Variants in THSD4 observed in about 807,000 individuals in gnomAD.
THSD4 encodes the protein thrombospondin type-1 domain-containing protein 4.
THSD4 carries 69 observed loss-of-function variants against 119.0 expected under a neutral mutation model. That is an observed-to-expected ratio of 0.58 (90% CI 0.48 to 0.71). THSD4 has a LOEUF of 0.71. Ranked by LOEUF, THSD4 falls within the 30% of genes least tolerant of loss-of-function variation. THSD4 has a pLI of 0.00. For missense variants in THSD4, 1,393 were observed against 1,391.1 expected, an observed-to-expected ratio of 1.00 and a Z score of -0.02; for synonymous variants, 524 against 540.4, an observed-to-expected ratio of 0.97 and a Z score of 0.42.
Position 71,462,268 on chromosome 15 carries a change from C to G in THSD4, c.1152+50445C>G, listed in dbSNP as rs1410608646. Among the ~76,000 whole-genome samples, 6 of 152,246 alleles carry G rather than the reference C, an allele frequency of 3.9e-5. No individual in the cohort carries two copies. In the South Asian group the frequency reaches 6.2e-4, roughly 16 times the overall value. ...CCTTGAACTCCCAGGCTCAAGTGATCCTCACCTCAGCCTCTCAAGTAGCTG... is the reference window on the plus strand; with the variant it reads ...CCTTGAACTCCCAGGCTCAAGTGATGCTCACCTCAGCCTCTCAAGTAGCTG... On this transcript the variant is annotated intron_variant, in intron 7 of 17. Coordinates refer to ENST00000261862, the MANE Select transcript of THSD4 (RefSeq NM_024817.3).
intron 9 of THSD4, 169 bp downstream of exon 9, chr15:71,728,893 A>G (rs1285860788): frequency 3.6e-6 from 3 of 825,538 alleles, no homozygotes; most frequent in Non-Finnish European, 5.7e-6. Flanking sequence ...CTTTGCCTTT[A>G]CTTCTGAATG....
chr15:71,344,816 C>G (rs1299643379), intron 6 of THSD4, among the ~76,000 whole-genome samples: 1 of 152,152 alleles, frequency 6.6e-6, no homozygotes, highest in Non-Finnish European at 1.5e-5. Context: ...TGGCCTTTGC[C>G]TGCCAGCATC....
chr15:71,548,385 C>T (rs1489317074), intron 7 of THSD4, among the ~76,000 whole-genome samples: 1 of 152,204 alleles, frequency 6.6e-6, no homozygotes, highest in Non-Finnish European at 1.5e-5. Flanking sequence ...CACAGCTTTG[C>T]CTTTTGTTAG....
At chr15:71,655,458 A>T (rs1005461060) in intron 7 of THSD4, among the ~76,000 whole-genome samples, 16 of 152,262 alleles carry the variant, frequency 1.1e-4, no homozygotes, top group African/African-American at 3.9e-4. Flanking sequence ...GGGTGGTTGT[A>T]TGATGATGAG....
At chr15:71,588,052 A>G (rs1459584194) in intron 7 of THSD4, among the ~76,000 whole-genome samples, 3 of 152,002 alleles carry the variant, frequency 2.0e-5, no homozygotes, top group Admixed American at 2.0e-4. Flanking sequence ...CACGCCTGTA[A>G]TCCCAGCACT....
intron 8 of THSD4, among the ~76,000 whole-genome samples, chr15:71,697,694 G>C (rs936107054): frequency 8.5e-5 from 13 of 152,174 alleles, no homozygotes; most frequent in Non-Finnish European, 1.9e-4. Context: ...GGGCAACTTT[G>C]GTAACACTGA....
chr15:71,211,407 C>T (rs965558963), intron 3 of THSD4, among the ~76,000 whole-genome samples: 1 of 152,108 alleles, frequency 6.6e-6, no homozygotes, highest in Non-Finnish European at 1.5e-5. Context: ...AGAGAGCTGC[C>T]TTCTCCCTGT....
chr15:71,381,486 C>T (rs1174512916), intron 6 of THSD4, among the ~76,000 whole-genome samples: 1 of 152,186 alleles, frequency 6.6e-6, no homozygotes, highest in Admixed American at 6.5e-5. Context: ...TCAGTTTCTT[C>T]CTAAGCATTC....
intron 6 of THSD4, among the ~76,000 whole-genome samples, chr15:71,314,703 TG>T (rs1388622842): frequency 6.6e-6 from 1 of 152,212 alleles, no homozygotes; most frequent in Non-Finnish European, 1.5e-5. Context: ...ATCACAAAGT[TG>T]TGATCCAAGT....
intron 7 of THSD4, among the ~76,000 whole-genome samples, chr15:71,654,632 A>G (rs2051154045): frequency 6.6e-6 from 1 of 152,212 alleles, no homozygotes; most frequent in Non-Finnish European, 1.5e-5. Flanking sequence ...ATCATATACA[A>G]AGGATTTCTT....
intron 8 of THSD4, among the ~76,000 whole-genome samples, chr15:71,666,186 T>G (rs142445595): frequency 6.6e-6 from 1 of 152,276 alleles, no homozygotes; most frequent in East Asian, 1.9e-4. Context: ...CCTTGAGTGG[T>G]GTTTTGAATT....
chr15:71,477,808 T>G (rs1566999059), intron 7 of THSD4, among the ~76,000 whole-genome samples: 1 of 152,170 alleles, frequency 6.6e-6, no homozygotes, highest in African/African-American at 2.4e-5. Context: ...TGAACCTGCT[T>G]CTCCTTCTGT....
intron 2 of THSD4, among the ~76,000 whole-genome samples, chr15:71,148,332 A>G (rs577974522): frequency 6.6e-6 from 1 of 152,192 alleles, no homozygotes; most frequent in East Asian, 1.9e-4. Flanking sequence ...CTAAGTGCCA[A>G]CCAGATTCAG....
At chr15:71,744,139 T>A (rs919562587) in intron 11 of THSD4, among the ~76,000 whole-genome samples, 2 of 148,846 alleles carry the variant, frequency 1.3e-5, no homozygotes, top group African/African-American at 5.1e-5. Context: ...AAGGCAGAAT[T>A]GAATCAGCTT....
chr15:71,747,289 C>G (rs754503834), intron 13 of THSD4, among the ~76,000 whole-genome samples: 2 of 152,190 alleles, frequency 1.3e-5, no homozygotes, highest in African/African-American at 4.8e-5. Context: ...TGATACTGGC[C>G]TCATCTGCTT....
At chr15:71,445,470 G>A (rs1216433299) in intron 7 of THSD4, among the ~76,000 whole-genome samples, 2 of 152,188 alleles carry the variant, frequency 1.3e-5, no homozygotes, top group Admixed American at 1.3e-4. Flanking sequence ...GAGCAACACT[G>A]TTCATCTGGA....
chr15:71,272,177 C>T (rs1032966725), intron 6 of THSD4, among the ~76,000 whole-genome samples: 2 of 151,764 alleles, frequency 1.3e-5, no homozygotes, highest in African/African-American at 4.8e-5. Flanking sequence ...CTGAGGCGGG[C>T]AGATCACGAG....
chr15:71,210,034 T>G (rs1167221252), intron 3 of THSD4, among the ~76,000 whole-genome samples: 5 of 152,238 alleles, frequency 3.3e-5, no homozygotes, highest in Non-Finnish European at 7.3e-5. Flanking sequence ...GTCTTTATTA[T>G]CAGCATGAAA....
chr15:71,185,564 C>T (rs1429570666), intron 3 of THSD4: 1 of 146,352 alleles, frequency 6.8e-6, no homozygotes, highest in African/African-American at 2.4e-5. Flanking sequence ...AAAATGAAGG[C>T]CATAAAATGT....
Sources: gnomAD v4.1 joint callset for allele counts (sites outside exome capture counted in the v4.1 genomes callset) on GRCh38, gnomAD v4.1.1 for gene constraint, MANE v1.5 for transcripts, NCBI Gene and HGNC (gene_info 2026-07-23, HGNC 2026-07-21) for gene names.